ST7: variants seen among roughly 807,000 people sequenced by gnomAD.
ST7 encodes suppressor of tumorigenicity 7 protein.
ST7 carries 28 observed loss-of-function variants against 78.7 expected under a neutral mutation model. The observed-to-expected ratio is 0.36, with a 90% CI of 0.26 to 0.49. The LOEUF is 0.49. Ranked by LOEUF, ST7 falls within the 20% of genes least tolerant of loss-of-function variation. The probability of loss-of-function intolerance (pLI) is 0.99; values close to 1 mark genes in which losing one functional copy is unlikely to be tolerated. For synonymous variants in ST7, 247 were observed against 249.6 expected (o/e 0.99, Z 0.10); for missense variants, 418 against 696.0 (o/e 0.60, Z 4.49).
intron 1 of ST7, among the ~76,000 whole-genome samples, chr7:117,077,001 A>G (rs775711498): frequency 2.0e-5 from 3 of 152,162 alleles, no homozygotes; most frequent in Non-Finnish European, 2.9e-5. Flanking sequence ...TTTCTTGATG[A>G]TGAAAGTGGC....
chr7:117,218,813 A>G (rs1792881106), intron 13 of ST7, among the ~76,000 whole-genome samples: 1 of 152,224 alleles, frequency 6.6e-6, no homozygotes, highest in African/African-American at 2.4e-5. Context: ...AACCCTGGGC[A>G]TTGATACTGA....
intron 1 of ST7, among the ~76,000 whole-genome samples, chr7:116,964,039 G>A (rs1792974340): frequency 6.6e-6 from 1 of 152,090 alleles, no homozygotes; most frequent in African/African-American, 2.4e-5. Flanking sequence ...AGGACTATTT[G>A]TTTTATTATT....
chr7:117,190,972 A>G lies in ST7; in HGVS notation c.1254+36A>G. 6 of 1,524,998 alleles carry G rather than the reference A, an allele frequency of 3.9e-6. No homozygotes were observed. The highest frequency in any genetic ancestry group is 5.5e-6 in the Non-Finnish European group (6 of 1,098,976). 94.5% of individuals were successfully genotyped at this position (1,524,998 alleles called of 1,614,324 possible). A position where few individuals can be genotyped will look rare whatever the true frequency, so the allele number is the denominator to read the frequency against. On this transcript the variant is annotated intron_variant, in intron 12 of 15. Transcript: ENST00000323984. This position sits in a 1 kb window ranked among gnomAD's most constrained non-coding sequence, Gnocchi z 5.2. ...GGAATCCCCACAGGAACTCGTTATG[A>G]TAGCAGAGAAAGCATTCATTGACCA...
At chr7:117,079,478 A>C (rs1799593683) in intron 1 of ST7, among the ~76,000 whole-genome samples, 1 of 152,254 alleles carries the variant, frequency 6.6e-6, no homozygotes, top group Admixed American at 6.5e-5. Flanking sequence ...TTACATATAC[A>C]CATATAAATA....
rs746456167 is a variant in ST7, at chr7:117,130,563, A to C, written c.522A>C (p.Thr174=). The C allele has an allele frequency of 6.2e-7, 1 of 1,611,576 alleles. No individual in the cohort carries two copies. Among genetic ancestry groups the C allele is most frequent in the Non-Finnish European group, 8.5e-7 (1 of 1,178,392 alleles). Residue 174 remains threonine (T), a synonymous_variant, in exon 5 of 16, where the codon ACA becomes ACC. Transcript: ENST00000323984. The stretch of plus-strand genomic sequence containing the variant: ...ATCTCTCTGCCCAAGACCACCAGAC[A>C]TTCTTTACTTGTGACTCGGACCATC... The part of the protein sequence containing the change: ...DMNLSAQDHQ[T]FFTCDSDHLR...
At chr7:117,220,677 T>C (rs1239735500) in intron 14 of ST7, among the ~76,000 whole-genome samples, 1 of 152,182 alleles carries the variant, frequency 6.6e-6, no homozygotes, top group African/African-American at 2.4e-5. Context: ...CCAAAATCTT[T>C]TTTGGTTGGA....
intron 1 of ST7, among the ~76,000 whole-genome samples, chr7:117,027,609 A>T (rs1168093262): frequency 1.3e-5 from 2 of 152,122 alleles, no homozygotes; most frequent in Admixed American, 6.6e-5. Context: ...TGGGCGGGAC[A>T]TGGTGGCCCA....
At position 117,159,929 on chromosome 7, in the gene ST7, C is replaced by T. The variant is rs111664521; in HGVS notation, c.964-10933C>T. Among the ~76,000 whole-genome samples the T allele has an allele frequency of 2.5e-3, 374 of 151,840 alleles. 2 individuals are homozygous for T. The highest frequency in any genetic ancestry group is 8.6e-3 in the African/African-American group (355 of 41,408). On this transcript the variant is annotated intron_variant, in intron 9 of 15. Transcript: ENST00000323984. Reference sequence around the variant, plus strand: ...AACAAACAAAAAAGCAAGCCAGGCGCGGTAGCTCATGCCTGTAATCCCAGC... The same window carrying T: ...AACAAACAAAAAAGCAAGCCAGGCGTGGTAGCTCATGCCTGTAATCCCAGC...
At chr7:117,151,153 A>T (rs1294232697) in intron 9 of ST7, among the ~76,000 whole-genome samples, 1 of 152,186 alleles carries the variant, frequency 6.6e-6, no homozygotes, top group East Asian at 1.9e-4. Flanking sequence ...AGTAACTCAA[A>T]CTACTTTTTT....
At chr7:117,095,615 C>T (rs1186011429) in intron 1 of ST7, among the ~76,000 whole-genome samples, 1 of 152,146 alleles carries the variant, frequency 6.6e-6, no homozygotes, top group African/African-American at 2.4e-5. Context: ...GTTAGAGGTG[C>T]CCAGTCAGGT....
chr7:116,987,232 C>T (rs1358615173), intron 1 of ST7, among the ~76,000 whole-genome samples: 1 of 152,162 alleles, frequency 6.6e-6, no homozygotes, highest in Non-Finnish European at 1.5e-5. Flanking sequence ...TGGCATGTCA[C>T]ATAGAGCCAT....
At chr7:117,200,409 G>A (rs1419225072) in intron 12 of ST7, among the ~76,000 whole-genome samples, 3 of 152,184 alleles carry the variant, frequency 2.0e-5, no homozygotes, top group Admixed American at 6.5e-5. Context: ...GGGGGCTGCA[G>A]AGCCAGTACC....
chr7:116,977,271 A>G (rs1279129831), intron 1 of ST7, among the ~76,000 whole-genome samples: 1 of 152,234 alleles, frequency 6.6e-6, no homozygotes, highest in Non-Finnish European at 1.5e-5. Context: ...TGTAGGCATT[A>G]TATTCCAAAC....
intron 1 of ST7, among the ~76,000 whole-genome samples, chr7:116,976,966 T>G (rs1793735539): frequency 6.6e-6 from 1 of 152,226 alleles, no homozygotes; most frequent in South Asian, 2.1e-4. Context: ...TTTAAAAGAT[T>G]AGTTTTAGCC....
chr7:116,968,489 G>A (rs1161709225), intron 1 of ST7: 2 of 438,282 alleles, frequency 4.6e-6, no homozygotes, highest in East Asian at 1.4e-4. Flanking sequence ...CTACGGGTGT[G>A]CGCCACCATG....
intron 1 of ST7, among the ~76,000 whole-genome samples, chr7:117,046,316 G>T (rs908850181): frequency 1.3e-5 from 2 of 152,124 alleles, no homozygotes; most frequent in African/African-American, 2.4e-5. Context: ...CTGGGACACT[G>T]CCAACTCCAA....
intron 1 of ST7, among the ~76,000 whole-genome samples, chr7:117,002,433 A>G (rs13239447): frequency 0.15 from 22,864 of 151,924 alleles, 2,190 homozygotes; most frequent in South Asian, 0.23. Context: ...TTGTCTAAGT[A>G]ATTTTAACTG....
At chr7:117,107,587 T>C (rs1342963897) in intron 2 of ST7, among the ~76,000 whole-genome samples, 1 of 151,154 alleles carries the variant, frequency 6.6e-6, no homozygotes, top group Non-Finnish European at 1.5e-5. Context: ...CTATTATTCA[T>C]GTCCTTAGCC....
At chr7:117,133,919 A>C (rs965448765) in intron 6 of ST7, among the ~76,000 whole-genome samples, 3 of 151,938 alleles carry the variant, frequency 2.0e-5, no homozygotes, top group Non-Finnish European at 4.4e-5. Flanking sequence ...TTGCAGTTAC[A>C]GTTGAACATT....
Sources: allele counts gnomAD v4.1 joint callset (sites outside exome capture counted in the v4.1 genomes callset), GRCh38; gene constraint gnomAD v4.1.1; non-coding constraint Gnocchi (gnomAD v3.1); transcripts MANE v1.5; gene names NCBI Gene and HGNC (gene_info 2026-07-23, HGNC 2026-07-21).